ALG14: variants seen among roughly 807,000 people sequenced by gnomAD.
ALG14 encodes ALG14 UDP-N-acetylglucosaminyltransferase subunit, also known as UDP-N-acetylglucosamine transferase subunit ALG14.
Under a neutral mutation model 22.8 loss-of-function variants are expected in ALG14, and 17 were observed. The observed-to-expected ratio is 0.75, with a 90% CI of 0.51 to 1.12. The LOEUF (loss-of-function observed/expected upper bound fraction) is 1.12. Ranked by LOEUF, ALG14 falls within the 50% of genes most tolerant of loss-of-function variation. The pLI is 0.00. For missense variants in ALG14, 288 were observed against 271.8 expected (o/e 1.06, Z -0.42); for synonymous variants, 89 against 103.7 (o/e 0.86, Z 0.86).
intron 2 of ALG14, among the ~76,000 whole-genome samples, chr1:95,050,583 CG>C (rs1200659706): frequency 6.6e-6 from 1 of 152,062 alleles, no homozygotes; most frequent in Non-Finnish European, 1.5e-5. Flanking sequence ...AAGAAGGAAA[CG>C]GAAGTCCCTA....
At position 95,052,624 on chromosome 1, in the gene ALG14, G is replaced by A. The variant is rs1278182490; in HGVS notation, c.288+12242C>T. On this transcript the variant is annotated intron_variant, in intron 2 of 3. Transcript: ENST00000370205. ...TGTAATCCCACCACTTTGGGAGGCC[G>A]AGGCAGGTGGATCATTTGAGGTCAG... is the stretch of plus-strand genomic sequence containing the variant. Among the ~76,000 whole-genome samples, 5 of 152,232 alleles carry A rather than the reference G, an allele frequency of 3.3e-5. No individual in the cohort carries two copies. The South Asian group carries it at 6.2e-4, about 19-fold the overall frequency.
chr1:95,060,210 T>C (rs577417603), intron 2 of ALG14, among the ~76,000 whole-genome samples: 3 of 151,006 alleles, frequency 2.0e-5, no homozygotes, highest in Non-Finnish European at 4.4e-5. Flanking sequence ...AGCAGAAATG[T>C]TCACGCTATC....
intron 2 of ALG14, among the ~76,000 whole-genome samples, chr1:95,029,853 C>T (rs1571624965): frequency 6.6e-6 from 1 of 152,158 alleles, no homozygotes; most frequent in Non-Finnish European, 1.5e-5. Context: ...GAGACCTGGG[C>T]TCAATATGTA....
intron 2 of ALG14, among the ~76,000 whole-genome samples, chr1:95,029,914 T>C (rs1673945877): frequency 6.6e-6 from 1 of 152,210 alleles, no homozygotes; most frequent in Non-Finnish European, 1.5e-5. Context: ...ATGTTTTTCC[T>C]TCCAGAAGCT....
intron 3 of ALG14, among the ~76,000 whole-genome samples, chr1:94,992,088 CT>C (rs908846338): frequency 6.0e-5 from 9 of 149,304 alleles, no homozygotes; most frequent in African/African-American, 1.7e-4. Context: ...TACAGTTAAT[CT>C]TTTTTTTTTA....
At chr1:94,996,126 T>C (rs1003871250) in intron 3 of ALG14, among the ~76,000 whole-genome samples, 1 of 152,260 alleles carries the variant, frequency 6.6e-6, no homozygotes, top group Non-Finnish European at 1.5e-5. Context: ...AGTGACTCTA[T>C]GCTAGTGTTT....
intron 3 of ALG14, among the ~76,000 whole-genome samples, chr1:94,998,612 G>C (rs1672967966): frequency 1.3e-5 from 2 of 152,122 alleles, no homozygotes; most frequent in Admixed American, 6.6e-5. Context: ...CTGAGCAGAA[G>C]GGCAGCACAG....
chr1:95,053,622 A>G (rs11165291), intron 2 of ALG14, among the ~76,000 whole-genome samples: 24,842 of 152,010 alleles, frequency 0.16, 2,589 homozygotes, highest in East Asian at 0.47. Flanking sequence ...GTGCAGTGGC[A>G]TGATCATAGC....
intron 3 of ALG14, among the ~76,000 whole-genome samples, chr1:94,992,367 G>A (rs528868830): frequency 6.6e-6 from 1 of 152,234 alleles, no homozygotes; most frequent in South Asian, 2.1e-4. Flanking sequence ...AGCAGGATAA[G>A]GAAATGGGGT....
rs1672877722 is a variant in ALG14 at position 94,995,220 on chromosome 1, T to C, written c.421-11914A>G. Among the ~76,000 whole-genome samples the C allele has an allele frequency of 2.6e-5, 4 of 152,334 alleles. No individual in the cohort carries two copies. The South Asian group carries it at 8.3e-4, about 32-fold the overall frequency. On this transcript the variant is annotated intron_variant, in intron 3 of 3. Transcript: ENST00000370205. The stretch of plus-strand genomic sequence containing the variant: ...ATAGAAGATGATCTGATTCATTAAT[T>C]CTGAGTCAAAGGATATGTAAGAACA...
At chr1:95,058,964 A>G (rs1335210322) in intron 2 of ALG14, among the ~76,000 whole-genome samples, 1 of 151,900 alleles carries the variant, frequency 6.6e-6, no homozygotes. Context: ...GAATTCCTTT[A>G]GCCTGACTTT....
chr1:95,045,374 A>G (rs1333222012), intron 2 of ALG14, among the ~76,000 whole-genome samples: 1 of 152,146 alleles, frequency 6.6e-6, no homozygotes, highest in Non-Finnish European at 1.5e-5. Flanking sequence ...TGTAATGGAC[A>G]TTGGCTTTTG....
intron 2 of ALG14, among the ~76,000 whole-genome samples, chr1:95,027,754 T>C (rs563814220): frequency 2.0e-5 from 3 of 152,340 alleles, no homozygotes; most frequent in South Asian, 2.1e-4. Context: ...GTTGAGAGTA[T>C]GGGGAAATAG....
At chr1:95,012,805 C>G (rs1358740873) in intron 3 of ALG14, among the ~76,000 whole-genome samples, 4 of 152,086 alleles carry the variant, frequency 2.6e-5, no homozygotes, top group Non-Finnish European at 5.9e-5. Flanking sequence ...GATGAGATAC[C>G]AGTCAAGTCT....
At chr1:94,991,853 C>CT (rs36061520) in intron 3 of ALG14, among the ~76,000 whole-genome samples, 97,165 of 150,934 alleles carry the variant, frequency 0.64, 32,495 homozygotes, top group East Asian at 0.83. Flanking sequence ...TTTTTTATAT[C>CT]TTTTTTTTTA....
At chr1:94,993,363 TTAAG>T (rs1672825766) in intron 3 of ALG14, among the ~76,000 whole-genome samples, 2 of 146,590 alleles carry the variant, frequency 1.4e-5, no homozygotes, top group East Asian at 2.0e-4. Flanking sequence ...ATATAGATAT[TTAAG>T]TATTTATATT....
intron 3 of ALG14, among the ~76,000 whole-genome samples, chr1:94,989,492 G>A (rs1292905562): frequency 1.3e-5 from 2 of 152,216 alleles, no homozygotes; most frequent in Non-Finnish European, 2.9e-5. Flanking sequence ...AGATGGGCCA[G>A]TGACTTGCCC....
chr1:95,071,573 C>G (rs2100854154), intron 1 of ALG14, among the ~76,000 whole-genome samples: 1 of 152,208 alleles, frequency 6.6e-6, no homozygotes, highest in South Asian at 2.1e-4. Flanking sequence ...TTTAAATACT[C>G]TTTACAATCT....
chr1:95,019,681 G>T (rs1420086336), intron 3 of ALG14, among the ~76,000 whole-genome samples: 1 of 152,122 alleles, frequency 6.6e-6, no homozygotes, highest in Non-Finnish European at 1.5e-5. Context: ...ATGCTAACAG[G>T]TAAAGAAGCG....
Sources: gnomAD v4.1 joint callset for allele counts (sites outside exome capture counted in the v4.1 genomes callset) on GRCh38, gnomAD v4.1.1 for gene constraint, MANE v1.5 for transcripts, NCBI Gene and HGNC (gene_info 2026-07-23, HGNC 2026-07-21) for gene names.